TENM2: variants seen among roughly 807,000 people sequenced by gnomAD.
The protein encoded by TENM2 is teneurin-2.
Under a neutral mutation model 245.2 loss-of-function variants are expected in TENM2, and 52 were observed. The observed-to-expected ratio is 0.21, with a 90% confidence interval of 0.17 to 0.27. The LOEUF is 0.27. Among genes scored for constraint, TENM2 ranks in the 10% least tolerant of loss-of-function variants. The pLI, the probability that TENM2 is intolerant of heterozygous loss-of-function variation, is 1.00. For synonymous variants in TENM2, 1,363 were observed against 1,438.9 expected (o/e 0.95, Z 1.19); for missense variants, 3,046 against 3,666.8 (o/e 0.83, Z 4.37).
intron 2 of TENM2, among the ~76,000 whole-genome samples, chr5:167,705,965 T>TTA (rs368174120): frequency 0.012 from 1,485 of 119,812 alleles, 11 homozygotes; most frequent in South Asian, 0.016. Flanking sequence ...CAAGGCTGGG[T>TTA]TATATATATA....
intron 12 of TENM2, among the ~76,000 whole-genome samples, chr5:168,158,850 T>TATATATATATATATAC (rs1339051385): frequency 8.8e-4 from 55 of 62,222 alleles, no homozygotes; most frequent in African/African-American, 2.6e-3. Flanking sequence ...TATATATATA[T>TATATATATATATATAC]ACACACACAC....
chr5:167,406,789 A>C (rs1762658863), intron 2 of TENM2, among the ~76,000 whole-genome samples: 1 of 151,820 alleles, frequency 6.6e-6, no homozygotes, highest in Non-Finnish European at 1.5e-5. Context: ...GGAAGGTCTT[A>C]TTTCTGTATG....
intron 13 of TENM2, among the ~76,000 whole-genome samples, chr5:168,172,378 G>A (rs1758923924): frequency 6.6e-6 from 1 of 152,156 alleles, no homozygotes; most frequent in African/African-American, 2.4e-5. Flanking sequence ...CCTTACTAAG[G>A]GCCAGGCCCT....
At chr5:167,423,031 A>G (rs867899085) in intron 2 of TENM2, among the ~76,000 whole-genome samples, 1 of 152,178 alleles carries the variant, frequency 6.6e-6, no homozygotes, top group African/African-American at 2.4e-5. Flanking sequence ...GCAATCATGA[A>G]AATGTTCCAT....
intron 5 of TENM2, among the ~76,000 whole-genome samples, chr5:168,040,652 G>A (rs1445232059): frequency 6.6e-6 from 1 of 152,184 alleles, no homozygotes; most frequent in East Asian, 1.9e-4. Context: ...TAAGACTTAA[G>A]GCATTTCCAA....
intron 2 of TENM2, among the ~76,000 whole-genome samples, chr5:167,674,176 C>A (rs1756152703): frequency 1.3e-5 from 2 of 152,100 alleles, no homozygotes; most frequent in African/African-American, 4.8e-5. Context: ...TGCCTCCAGT[C>A]ACTCTGCTGA....
intron 2 of TENM2, among the ~76,000 whole-genome samples, chr5:167,473,856 G>A (rs1767197071): frequency 6.6e-6 from 1 of 152,128 alleles, no homozygotes; most frequent in Non-Finnish European, 1.5e-5. Context: ...TTCAGGACTG[G>A]AGCAGTACCT....
intron 5 of TENM2, among the ~76,000 whole-genome samples, chr5:168,001,943 T>C (rs921714369): frequency 3.3e-5 from 5 of 152,236 alleles, no homozygotes; most frequent in African/African-American, 9.6e-5. Context: ...ATCAGCCTTC[T>C]GGCATTAATA....
intron 2 of TENM2, among the ~76,000 whole-genome samples, chr5:167,578,614 G>T (rs1001665083): frequency 6.6e-6 from 1 of 152,140 alleles, no homozygotes; most frequent in African/African-American, 2.4e-5. Flanking sequence ...TTAGTGTTAT[G>T]TTCATCTCTG....
At chr5:168,170,147 C>A (rs553200447) in intron 13 of TENM2, among the ~76,000 whole-genome samples, 2 of 152,246 alleles carry the variant, frequency 1.3e-5, no homozygotes, top group African/African-American at 4.8e-5. Flanking sequence ...ACTAGAGAAT[C>A]TTCTGTTTAG....
chr5:168,260,519 C>A, intron 28 of TENM2, 106 bp downstream of exon 30: 2 of 1,368,760 alleles, frequency 1.5e-6, no homozygotes, highest in Non-Finnish European at 2.0e-6. Context: ...AACATTGGAG[C>A]TGGGTATAAA....
chr5:168,071,162 A>T (rs1290712064), intron 7 of TENM2, among the ~76,000 whole-genome samples: 3 of 152,186 alleles, frequency 2.0e-5, no homozygotes, highest in Non-Finnish European at 4.4e-5. Context: ...TGCCTCAGTT[A>T]CCTCATCTAT....
intron 2 of TENM2, among the ~76,000 whole-genome samples, chr5:167,687,000 T>G (rs1397317599): frequency 2.0e-5 from 3 of 152,208 alleles, no homozygotes; most frequent in African/African-American, 7.2e-5. Flanking sequence ...GAAAGGGCTA[T>G]TCTCAAATCT....
intron 2 of TENM2, among the ~76,000 whole-genome samples, chr5:167,391,647 A>AAAAAAAAAAAAAAAAAAAAAAAAAT (rs70976420): frequency 2.4e-5 from 3 of 126,838 alleles, no homozygotes; most frequent in Non-Finnish European, 1.6e-5. Context: ...AAAAAAAAAA[A>AAAAAAAAAAAAAAAAAAAAAAAAAT]GCACTCTCAA....
chr5:167,237,674 G>T, the TENM2 span, among the ~76,000 whole-genome samples: 1 of 152,166 alleles, frequency 6.6e-6, no homozygotes, highest in African/African-American at 2.4e-5. Flanking sequence ...AATGTCAGCA[G>T]CTTGGAGGAA....
chr5:167,284,738 T>C (rs1396988957), upstream of TENM2: 3 of 837,560 alleles, frequency 3.6e-6, no homozygotes, highest in Non-Finnish European at 5.8e-6. Context: ...AATCACAGTC[T>C]TGGGTTTTTT....
At chr5:167,470,964 C>A (rs1330484876) in intron 2 of TENM2, among the ~76,000 whole-genome samples, 4 of 152,140 alleles carry the variant, frequency 2.6e-5, no homozygotes, top group Non-Finnish European at 4.4e-5. Flanking sequence ...TCTTTCTCTC[C>A]AGCCTCATTA....
intron 3 of TENM2, among the ~76,000 whole-genome samples, chr5:167,887,339 C>T (rs548617871): frequency 1.1e-4 from 17 of 152,320 alleles, no homozygotes; most frequent in South Asian, 2.1e-4. Flanking sequence ...GGTAGAGATA[C>T]GCTCAAGAGC....
intron 2 of TENM2, among the ~76,000 whole-genome samples, chr5:167,581,081 T>A (rs1050033483): frequency 1.3e-5 from 2 of 152,214 alleles, no homozygotes; most frequent in Non-Finnish European, 2.9e-5. Flanking sequence ...TTCATAATCC[T>A]GTGGTTATAT....
Sources: allele counts gnomAD v4.1 joint callset (sites outside exome capture counted in the v4.1 genomes callset), GRCh38; gene constraint gnomAD v4.1.1; transcripts MANE v1.5; gene names NCBI Gene and HGNC (gene_info 2026-07-23, HGNC 2026-07-21).